The following NKAIN2 variants were observed in gnomAD, a reference collection of about 807,000 sequenced individuals.
The protein encoded by NKAIN2 is sodium/potassium transporting ATPase interacting 2, also known as sodium/potassium-transporting ATPase subunit beta-1-interacting protein 2.
In NKAIN2, 14 loss-of-function variants were observed where a neutral mutation model predicts 32.6. The ratio of observed to expected loss-of-function variants is 0.43; its 90% CI spans 0.28 to 0.67. The LOEUF (loss-of-function observed/expected upper bound fraction) is 0.67. Among genes scored for constraint, NKAIN2 ranks in the 30% least tolerant of loss-of-function variants. The pLI is 0.17. For synonymous variants in NKAIN2, 80 were observed against 87.2 expected, an observed-to-expected ratio of 0.92 and a Z score of 0.46; for missense variants, 198 against 258.3, an observed-to-expected ratio of 0.77 and a Z score of 1.60.
rs60501930 is a variant in NKAIN2, at chr6:123,911,812, T to TACACACACACACACAC, written c.54+107590_54+107605dup. ...ATATATATATATATGTATATATATA[T>TACACACACACACACAC]ACACACACACACACACACACACACA... On this transcript the variant is annotated intron_variant, in intron 1 of 6. Coordinates refer to ENST00000368417, the MANE Select transcript of NKAIN2 (RefSeq NM_001040214.3). Among the ~76,000 whole-genome samples, 2 of 85,014 alleles carry TACACACACACACACAC rather than the reference T, an allele frequency of 2.4e-5. 1 individual carries two copies. The highest frequency in any genetic ancestry group is 9.2e-5 in the African/African-American group (2 of 21,804). The allele number at this position is 85,014 out of a possible 152,430, so 55.8% of individuals were successfully genotyped here. A position where few individuals can be genotyped will look rare whatever the true frequency, so the allele number is the denominator to read the frequency against.
At chr6:124,806,035 G>A in intron 5 of NKAIN2, among the ~76,000 whole-genome samples, 1 of 151,506 alleles carries the variant, frequency 6.6e-6, no homozygotes, top group South Asian at 2.1e-4. Context: ...AAAGTGACGG[G>A]GAGAACGGAA....
chr6:124,344,584 C>G (rs1475583631), intron 2 of NKAIN2, among the ~76,000 whole-genome samples: 1 of 151,830 alleles, frequency 6.6e-6, no homozygotes, highest in Non-Finnish European at 1.5e-5. Context: ...ATTTTATTCT[C>G]TTTGAAGCAA....
intron 1 of NKAIN2, among the ~76,000 whole-genome samples, chr6:123,931,422 G>C (rs1181462234): frequency 1.3e-5 from 2 of 151,964 alleles, no homozygotes; most frequent in Non-Finnish European, 1.5e-5. Context: ...TAAAGATTTG[G>C]CTTATTTATT....
intron 3 of NKAIN2, among the ~76,000 whole-genome samples, chr6:124,603,393 C>A (rs1156386397): frequency 6.6e-6 from 1 of 151,848 alleles, no homozygotes; most frequent in African/African-American, 2.4e-5. Context: ...TAAATTCCTG[C>A]ATTTCTATTT....
At chr6:124,150,200 C>G (rs1787635539) in intron 1 of NKAIN2, among the ~76,000 whole-genome samples, 2 of 152,100 alleles carry the variant, frequency 1.3e-5, no homozygotes, top group Non-Finnish European at 1.5e-5. Context: ...ACAGATCCCC[C>G]ACACTTTTTC....
chr6:124,191,857 A>C (rs1315536147), intron 1 of NKAIN2, among the ~76,000 whole-genome samples: 1 of 152,152 alleles, frequency 6.6e-6, no homozygotes, highest in Non-Finnish European at 1.5e-5. Flanking sequence ...ATATTACTTT[A>C]CATTTTATAA....
At chr6:124,812,738 T>C (rs1780960445) in intron 5 of NKAIN2, among the ~76,000 whole-genome samples, 1 of 152,132 alleles carries the variant, frequency 6.6e-6, no homozygotes, top group Non-Finnish European at 1.5e-5. Context: ...TTGACCTTTT[T>C]TTTTTCTTTA....
chr6:124,053,944 A>G (rs2114839905), intron 1 of NKAIN2, among the ~76,000 whole-genome samples: 1 of 152,196 alleles, frequency 6.6e-6, no homozygotes, highest in Non-Finnish European at 1.5e-5. Context: ...ATTTAAAACT[A>G]TTGGAAGATG....
intron 3 of NKAIN2, among the ~76,000 whole-genome samples, chr6:124,650,133 G>A (rs753248447): frequency 2.0e-5 from 3 of 152,114 alleles, no homozygotes; most frequent in Non-Finnish European, 2.9e-5. Flanking sequence ...ATATTTTACT[G>A]GAAGTTGTAG....
intron 3 of NKAIN2, among the ~76,000 whole-genome samples, chr6:124,529,892 A>G (rs891271119): frequency 6.6e-6 from 1 of 152,242 alleles, no homozygotes; most frequent in Non-Finnish European, 1.5e-5. Flanking sequence ...TCCAAAATGC[A>G]TACGTTGAAA....
At chr6:124,494,557 G>A (rs1196132123) in intron 3 of NKAIN2, among the ~76,000 whole-genome samples, 3 of 152,084 alleles carry the variant, frequency 2.0e-5, no homozygotes, top group Non-Finnish European at 4.4e-5. Context: ...TAGATAAACT[G>A]TAACAGCTAA....
intron 4 of NKAIN2, among the ~76,000 whole-genome samples, chr6:124,677,189 G>A (rs965769846): frequency 3.3e-5 from 5 of 152,070 alleles, no homozygotes; most frequent in Non-Finnish European, 5.9e-5. Flanking sequence ...GGCTGGTCTC[G>A]AACTCCTGAC....
At chr6:124,755,740 C>G (rs1157362469) in intron 4 of NKAIN2, among the ~76,000 whole-genome samples, 1 of 152,022 alleles carries the variant, frequency 6.6e-6, no homozygotes, top group African/African-American at 2.4e-5. Flanking sequence ...GGGGGAGTAA[C>G]AGAAAAAATA....
chr6:124,640,992 C>T (rs1783965005), intron 3 of NKAIN2, among the ~76,000 whole-genome samples: 1 of 152,102 alleles, frequency 6.6e-6, no homozygotes, highest in Admixed American at 6.6e-5. Flanking sequence ...CTTTCTTCTG[C>T]AGTTGAGAGT....
intron 1 of NKAIN2, among the ~76,000 whole-genome samples, chr6:123,856,234 T>G (rs1281617003): frequency 6.6e-6 from 1 of 152,246 alleles, no homozygotes; most frequent in African/African-American, 2.4e-5. Flanking sequence ...ATAACTTTCC[T>G]GACAGCTTTT....
intron 3 of NKAIN2, among the ~76,000 whole-genome samples, chr6:124,505,397 A>T (rs953803935): frequency 6.6e-6 from 1 of 152,212 alleles, no homozygotes; most frequent in Non-Finnish European, 1.5e-5. Context: ...AAGCTATGTT[A>T]TAAAGCCGAC....
At chr6:124,546,591 C>T (rs1215823928) in intron 3 of NKAIN2, among the ~76,000 whole-genome samples, 1 of 151,738 alleles carries the variant, frequency 6.6e-6, no homozygotes, top group East Asian at 1.9e-4. Context: ...ATCTCCCCTA[C>T]CTCATCGAAT....
intron 1 of NKAIN2, among the ~76,000 whole-genome samples, chr6:123,846,844 G>GCACACACACACA (rs34106417): frequency 1.3e-5 from 2 of 150,622 alleles, no homozygotes; most frequent in Non-Finnish European, 3.0e-5. Flanking sequence ...ACGCACGCGC[G>GCACACACACACA]CACACACACA....
intron 1 of NKAIN2, among the ~76,000 whole-genome samples, chr6:123,960,089 G>A (rs972200410): frequency 2.6e-5 from 4 of 152,022 alleles, no homozygotes; most frequent in Admixed American, 6.6e-5. Flanking sequence ...TGTGATGCAA[G>A]TTTGTATAAT....
Sources: allele counts gnomAD v4.1 joint callset (sites outside exome capture counted in the v4.1 genomes callset), GRCh38; gene constraint gnomAD v4.1.1; transcripts MANE v1.5; gene names NCBI Gene and HGNC (gene_info 2026-07-23, HGNC 2026-07-21).